Variants in TATDN1 observed in about 807,000 individuals in gnomAD.
TATDN1 encodes the protein deoxyribonuclease TATDN1.
Under a neutral mutation model 46.4 loss-of-function variants are expected in TATDN1, and 40 were observed. The ratio of observed to expected loss-of-function variants is 0.86; its 90% CI spans 0.67 to 1.12. TATDN1 has a LOEUF of 1.12. TATDN1 is among the 50% of genes most tolerant of loss of function. The probability of loss-of-function intolerance (pLI) is 0.00; values close to 1 mark genes in which losing one functional copy is unlikely to be tolerated. For synonymous variants in TATDN1, 95 were observed against 105.6 expected, an observed-to-expected ratio of 0.90 and a Z score of 0.62; for missense variants, 326 against 348.4, an observed-to-expected ratio of 0.94 and a Z score of 0.51.
At position 124,515,807 on chromosome 8, in the gene TATDN1, GAAT is replaced by G; in HGVS notation, c.347-22_347-20del. 6.2e-7 allele frequency: 1 copy of G among 1,613,430 alleles called. No individual in the cohort carries two copies. ...TCAAAATCTTTAAAAAGATAAAGAA[GAAT>G]AATTACTCCTAACTTATACAGAACA... On this transcript the variant is annotated intron_variant, in intron 5 of 11. Coordinates refer to ENST00000276692, the MANE Select transcript of TATDN1 (RefSeq NM_032026.4).
chr8:124,493,846 G>A lies in TATDN1; in HGVS notation c.778C>T (p.Pro260Ser). The A allele has an allele frequency of 6.2e-7, 1 of 1,607,916 alleles. No homozygotes were observed. Among genetic ancestry groups the A allele is most frequent in the Non-Finnish European group, 8.5e-7 (1 of 1,178,860 alleles). Residue 260 changes from proline (P) to serine (S), a missense_variant, in exon 11 of 12, where the codon CCC (proline) becomes TCC (serine). Coordinates refer to ENST00000276692, the MANE Select transcript of TATDN1 (RefSeq NM_032026.4). Reference protein sequence around the residue: ...SGHCLKDRNEPCHIIQILEIM... With the variant: ...SGHCLKDRNESCHIIQILEIM... Reference sequence around the variant, plus strand: ...CAAAATACTCACATTATATGGCAGGGTTCATTTCTGTCTTTTAAGCAGTGC... The same window carrying A: ...CAAAATACTCACATTATATGGCAGGATTCATTTCTGTCTTTTAAGCAGTGC...
chr8:124,488,891 T>C (rs947704812), intron 11 of TATDN1, 195 bp from the exon 12 acceptor site: 3 of 530,040 alleles, frequency 5.7e-6, no homozygotes, highest in African/African-American at 3.9e-5. Flanking sequence ...ATGGACTGTC[T>C]TGCATATAAC....
intron 6 of TATDN1, 119 bp downstream of exon 6, chr8:124,515,627 C>T: frequency 3.1e-6 from 3 of 960,850 alleles, no homozygotes; most frequent in Non-Finnish European, 4.7e-6. Context: ...TTTTGATATA[C>T]AAAGGGAAAA....
At chr8:124,525,529 G>T (rs533322116) in intron 1 of TATDN1, among the ~76,000 whole-genome samples, 2 of 152,296 alleles carry the variant, frequency 1.3e-5, no homozygotes, top group Admixed American at 1.3e-4. Flanking sequence ...GTCTTTCTGA[G>T]CCTCAGTTTT....
chr8:124,496,600 C>A (rs567193763), intron 9 of TATDN1, among the ~76,000 whole-genome samples: 1 of 152,304 alleles, frequency 6.6e-6, no homozygotes, highest in Admixed American at 6.5e-5. Flanking sequence ...TTTCAGGCTG[C>A]CTTCTTTCAC....
chr8:124,530,791 G>A (rs927788934), intron 1 of TATDN1, among the ~76,000 whole-genome samples: 2 of 152,176 alleles, frequency 1.3e-5, no homozygotes, highest in African/African-American at 4.8e-5. Context: ...ATTATTAAAT[G>A]AGACCCAGTG....
At chr8:124,538,885 C>T (rs1419984187) in intron 1 of TATDN1, 140 bp downstream of exon 1, 2 of 921,274 alleles carry the variant, frequency 2.2e-6, no homozygotes, top group African/African-American at 3.3e-5. Flanking sequence ...ACCCAGAAAC[C>T]TCCCCGCGCC....
At chr8:124,496,119 T>C (rs1315707372) in intron 9 of TATDN1, among the ~76,000 whole-genome samples, 2 of 152,262 alleles carry the variant, frequency 1.3e-5, no homozygotes, top group African/African-American at 4.8e-5. Context: ...CAGTGAGGTT[T>C]GGGATGGTGT....
chr8:124,498,970 T>A (rs993282728), intron 9 of TATDN1, among the ~76,000 whole-genome samples: 1 of 149,298 alleles, frequency 6.7e-6, no homozygotes, highest in Admixed American at 6.7e-5. Context: ...TTTTTTTTTT[T>A]AATTTAAGAG....
At chr8:124,488,495 T>G, downstream of TATDN1, 2 of 649,798 alleles carry the variant, frequency 3.1e-6, no homozygotes, top group Non-Finnish European at 5.4e-6. Context: ...TATATAGTAT[T>G]TCTTTAGACA....
chr8:124,493,755 T>C, intron 11 of TATDN1, 78 bp downstream of exon 11: 1 of 1,500,226 alleles, frequency 6.7e-7, no homozygotes, highest in Non-Finnish European at 8.9e-7. Context: ...ATTTTAATTC[T>C]GTCCCTTGCG....
In TATDN1 at chr8:124,493,963, G is replaced by C; in HGVS notation, c.665-4C>G. ...TTGACTCCACACCAAGGTGCATCTA[G>C]TTAAGCAAAGAAAGTGTCTCGTAAG... On this transcript the variant is annotated splice_polypyrimidine_tract_variant and splice_region_variant and intron_variant, in intron 10 of 11. Transcript: ENST00000276692. The C allele has an allele frequency of 6.2e-7, 1 of 1,601,010 alleles. No homozygotes were observed. Among genetic ancestry groups the C allele is most frequent in the Non-Finnish European group, 8.5e-7 (1 of 1,176,254 alleles).
intron 6 of TATDN1, among the ~76,000 whole-genome samples, chr8:124,509,412 A>C (rs888471373): frequency 3.3e-5 from 5 of 152,214 alleles, no homozygotes; most frequent in African/African-American, 9.7e-5. Context: ...GTTTTCAAGA[A>C]GCTTCCTTCT....
At chr8:124,532,142 T>C in intron 1 of TATDN1, among the ~76,000 whole-genome samples, 1 of 152,140 alleles carries the variant, frequency 6.6e-6, no homozygotes, top group East Asian at 1.9e-4. Context: ...AGGAGCCACA[T>C]GCTGGGTGGC....
In TATDN1 at chr8:124,522,180, C is replaced by A. The variant is rs1352479621; in HGVS notation, c.109G>T (p.Gly37Trp). 6.3e-7 allele frequency: 1 copy of A among 1,595,738 alleles called. No individual in the cohort carries two copies. The highest frequency in any genetic ancestry group is 1.4e-5 in the African/African-American group (1 of 74,040). ...TTAACACCAATCTCGACAGCTCTCCCTATTACATCCTGTAAGTCATCTGTA... is the reference window on the plus strand; with the variant it reads ...TTAACACCAATCTCGACAGCTCTCCATATTACATCCTGTAAGTCATCTGTA... ...KHQDDLQDVIGRAVEIGVKKF... is the reference protein window; with the variant it reads ...KHQDDLQDVIWRAVEIGVKKF... Residue 37 changes from glycine (G) to tryptophan (W), a missense_variant, in exon 3 of 12, where the codon GGG becomes TGG. Physicochemically the swap from Gly to Trp is radical, Grantham distance 184. Transcript: ENST00000276692.
intron 1 of TATDN1, among the ~76,000 whole-genome samples, chr8:124,524,898 T>C (rs1820353787): frequency 1.3e-5 from 2 of 152,214 alleles, no homozygotes; most frequent in South Asian, 4.2e-4. Context: ...GCTTGAGGAT[T>C]TGAGATCTGG....
At chr8:124,507,736 C>G (rs1413706595) in intron 8 of TATDN1, among the ~76,000 whole-genome samples, 1 of 151,544 alleles carries the variant, frequency 6.6e-6, no homozygotes, top group East Asian at 1.9e-4. Flanking sequence ...TGAGATTGTG[C>G]CACTGCACTT....
Position 124,518,785 on chromosome 8 carries a change from A to AT in TATDN1, c.202+32dup, listed in dbSNP as rs753235518. 6.9e-3 allele frequency: 8,686 copies of AT among 1,265,338 alleles called. 4 individuals are homozygous for AT. Among genetic ancestry groups the AT allele is most frequent in the East Asian group, 0.013 (452 of 35,626 alleles). The allele number at this position is 1,265,338 out of a possible 1,614,324, so 78.4% of individuals were successfully genotyped here. ...AGACTTCTTCAAAATTACTTAATTCATTTTTTTTTTGGTAAAAGAAATATG... is the reference window on the plus strand; with the variant it reads ...AGACTTCTTCAAAATTACTTAATTCATTTTTTTTTTTGGTAAAAGAAATATG... On this transcript the variant is annotated intron_variant, in intron 4 of 11. Transcript: ENST00000276692.
chr8:124,515,186 G>A (rs1203259415), intron 6 of TATDN1, among the ~76,000 whole-genome samples: 2 of 152,154 alleles, frequency 1.3e-5, no homozygotes, highest in Non-Finnish European at 2.9e-5. Context: ...TTTGAGACCA[G>A]CTTGACCAAT....
Sources: allele counts gnomAD v4.1 joint callset (sites outside exome capture counted in the v4.1 genomes callset), GRCh38; gene constraint gnomAD v4.1.1; transcripts MANE v1.5; gene names NCBI Gene and HGNC (gene_info 2026-07-23, HGNC 2026-07-21).